The following HMGN5 variants were observed in gnomAD, a reference collection of about 807,000 sequenced individuals.
HMGN5 encodes high mobility group nucleosome binding domain 5, also known as high mobility group nucleosome-binding domain-containing protein 5.
In HMGN5, 4 loss-of-function variants were observed where a neutral mutation model predicts 9.5. That is an observed-to-expected ratio of 0.42 (90% CI 0.21 to 0.96). The LOEUF is 0.96. Among genes scored for constraint, HMGN5 ranks in the 40% least tolerant of loss-of-function variants. HMGN5 has a pLI of 0.30. For missense variants in HMGN5, 192 were observed against 187.5 expected (o/e 1.02, Z -0.14); for synonymous variants, 55 against 57.1 (o/e 0.96, Z 0.16).
Position 81,114,111 on chromosome X carries a change from G to C in HMGN5, c.*538C>G, listed in dbSNP as rs956418711. The C allele has an allele frequency of 9.0e-6, 1 of 111,387 alleles. No homozygotes were observed. Among genetic ancestry groups the C allele is most frequent in the Non-Finnish European group, 1.9e-5 (1 of 53,044 alleles). 9.2% of individuals were successfully genotyped at this position (111,387 alleles called of 1,213,427 possible). On this transcript the variant is annotated 3_prime_UTR_variant, in exon 7 of 7. Coordinates refer to ENST00000358130, the MANE Select transcript of HMGN5 (RefSeq NM_030763.3). ...TATTAAGATAAATCCAGTAAAATTT[G>C]TGTATTCACATATAATCAAAACTGC...
chrX:81,140,071 T>A (rs1434968811), intron 1 of HMGN5, among the ~76,000 whole-genome samples: 1 of 111,556 alleles, frequency 9.0e-6, no homozygotes, highest in African/African-American at 3.3e-5. Flanking sequence ...TAGCTGGCAG[T>A]CTTAAAAGAG....
At chrX:81,147,736 T>C (rs2075349269) in intron 1 of HMGN5, among the ~76,000 whole-genome samples, 1 of 111,752 alleles carries the variant, frequency 8.9e-6, no homozygotes, top group Non-Finnish European at 1.9e-5. Context: ...GAAAACCCCA[T>C]CGTCTCAGCC....
chrX:81,148,868 C>T (rs763495315), intron 1 of HMGN5, among the ~76,000 whole-genome samples: 9 of 111,987 alleles, frequency 8.0e-5, no homozygotes, highest in Admixed American at 7.5e-4. Flanking sequence ...AGCCAACAGA[C>T]ATGCAAAAAT....
chrX:81,127,562 A>AT (rs5902813), intron 1 of HMGN5, among the ~76,000 whole-genome samples: 20 of 108,261 alleles, frequency 1.8e-4, no homozygotes, highest in African/African-American at 2.7e-4. Context: ...TTATGCTAGG[A>AT]TTTTTTTTTT....
intron 1 of HMGN5, among the ~76,000 whole-genome samples, chrX:81,184,456 C>T (rs985345073): frequency 1.6e-4 from 18 of 111,704 alleles, no homozygotes; most frequent in Admixed American, 5.7e-4. Context: ...CAAATTACCC[C>T]GTCTCACATA....
Position 81,119,869 on chromosome X carries a change from A to C in HMGN5, c.16-52T>G, listed in dbSNP as rs760565749. The C allele has an allele frequency of 1.1e-5, 11 of 1,014,913 alleles. No individual in the cohort carries two copies. The East Asian group carries it at 3.4e-4, about 31-fold the overall frequency. The allele number at this position is 1,014,913 out of a possible 1,213,427, so 83.6% of individuals were successfully genotyped here. A position where few individuals can be genotyped will look rare whatever the true frequency, so the allele number is the denominator to read the frequency against. On this transcript the variant is annotated intron_variant, in intron 2 of 6. Transcript: ENST00000358130. ...AATAAGGTCATTGATATAAACACAT[A>C]AATCAGAAAATACTGCCTGCGGATT...
chrX:81,127,405 T>A (rs2147543589), intron 1 of HMGN5, among the ~76,000 whole-genome samples: 1 of 111,854 alleles, frequency 8.9e-6, no homozygotes, highest in South Asian at 3.7e-4. Context: ...AGAATAGTGG[T>A]GACCTGTCAA....
rs746225421 is a variant in HMGN5, at chrX:81,151,872, T to C, written c.-123-30200A>G. ...GGCTGAGACAATGGGGTTTTCTAGA[T>C]ATACAATCATGTCGTCTGCAAACAG... On this transcript the variant is annotated intron_variant, in intron 1 of 6. Coordinates refer to ENST00000358130, the MANE Select transcript of HMGN5 (RefSeq NM_030763.3). Among the ~76,000 whole-genome samples, 6 of 111,491 alleles carry C rather than the reference T, an allele frequency of 5.4e-5. No individual in the cohort carries two copies. In the South Asian group the frequency reaches 2.2e-3, roughly 42 times the overall value.
intron 1 of HMGN5, among the ~76,000 whole-genome samples, chrX:81,171,511 G>A (rs1269646964): frequency 9.0e-6 from 1 of 111,221 alleles, no homozygotes; most frequent in Non-Finnish European, 1.9e-5. Flanking sequence ...AATTTACTCA[G>A]TTATTTAACA....
chrX:81,124,425 G>A (rs1293278355), intron 1 of HMGN5, among the ~76,000 whole-genome samples: 1 of 112,010 alleles, frequency 8.9e-6, no homozygotes, highest in African/African-American at 3.2e-5. Context: ...TCACCTCTTT[G>A]ACAAAAGCCT....
At chrX:81,154,271 T>C (rs2075376875) in intron 1 of HMGN5, among the ~76,000 whole-genome samples, 1 of 111,344 alleles carries the variant, frequency 9.0e-6, no homozygotes, top group Non-Finnish European at 1.9e-5. Context: ...GAAAAGACAG[T>C]CTCTTCAATA....
At chrX:81,152,206 C>A (rs922953162) in intron 1 of HMGN5, among the ~76,000 whole-genome samples, 1 of 111,274 alleles carries the variant, frequency 9.0e-6, no homozygotes, top group African/African-American at 3.3e-5. Context: ...AGTGGACAGG[C>A]AAGCTACAAA....
intron 1 of HMGN5, among the ~76,000 whole-genome samples, chrX:81,147,590 C>G (rs1305927854): frequency 1.8e-5 from 2 of 111,611 alleles, no homozygotes; most frequent in African/African-American, 6.5e-5. Context: ...GATGCCCTCT[C>G]TCACCACTCC....
intron 1 of HMGN5, among the ~76,000 whole-genome samples, chrX:81,122,821 T>G (rs1954611): frequency 0.21 from 22,917 of 109,546 alleles, 2,081 homozygotes; most frequent in East Asian, 0.74. Flanking sequence ...AGACCTAAAG[T>G]TTTCAGGGTT....
chrX:81,175,421 T>A (rs1367632933), intron 1 of HMGN5, among the ~76,000 whole-genome samples: 1 of 111,464 alleles, frequency 9.0e-6, no homozygotes, highest in Non-Finnish European at 1.9e-5. Context: ...ATAGTTTTGG[T>A]TAACTATAGT....
chrX:81,176,888 C>T (rs1320232823), intron 1 of HMGN5, among the ~76,000 whole-genome samples: 3 of 110,740 alleles, frequency 2.7e-5, no homozygotes, highest in African/African-American at 6.6e-5. Flanking sequence ...ACTTCCCCAA[C>T]CTAGAAAGAC....
chrX:81,186,306 C>G (rs948667216), intron 1 of HMGN5, among the ~76,000 whole-genome samples: 3 of 111,624 alleles, frequency 2.7e-5, no homozygotes, highest in African/African-American at 9.7e-5. Flanking sequence ...ACTGATCTGT[C>G]CAGGTTTTGG....
intron 1 of HMGN5, among the ~76,000 whole-genome samples, chrX:81,192,459 T>A (rs1053681443): frequency 8.9e-6 from 1 of 112,002 alleles, no homozygotes. Flanking sequence ...TATACAATTT[T>A]AAATTTTTCT....
chrX:81,158,845 T>C (rs988958424), intron 1 of HMGN5, among the ~76,000 whole-genome samples: 2 of 111,534 alleles, frequency 1.8e-5, no homozygotes, highest in African/African-American at 3.3e-5. Flanking sequence ...TTTTGTATAA[T>C]GTGTAGCTAG....
Sources: allele counts gnomAD v4.1 joint callset (sites outside exome capture counted in the v4.1 genomes callset), GRCh38; gene constraint gnomAD v4.1.1; transcripts MANE v1.5; gene names NCBI Gene and HGNC (gene_info 2026-07-23, HGNC 2026-07-21).